RPA1: variants seen among roughly 807,000 people sequenced by gnomAD.
RPA1 encodes the protein replication protein A 70 kDa DNA-binding subunit.
Under a neutral mutation model 83.0 loss-of-function variants are expected in RPA1, and 49 were observed. The observed-to-expected ratio is 0.59, with a 90% CI of 0.47 to 0.75. RPA1 has a LOEUF of 0.75. RPA1 is among the 30% of genes least tolerant of loss of function. RPA1 has a pLI of 0.00. For synonymous variants in RPA1, 279 were observed against 281.8 expected (o/e 0.99, Z 0.10); for missense variants, 693 against 776.1 (o/e 0.89, Z 1.27).
At chr17:1,883,104 T>A (rs761825466) in intron 12 of RPA1, among the ~76,000 whole-genome samples, 10 of 152,144 alleles carry the variant, frequency 6.6e-5, no homozygotes, top group Non-Finnish European at 1.3e-4. Flanking sequence ...GAGGATTGTC[T>A]GAGTCCAGGA....
chr17:1,891,784 G>A (rs1914212930), intron 14 of RPA1, 49 bp from the exon 15 acceptor site: 1 of 1,241,654 alleles, frequency 8.1e-7, no homozygotes, highest in African/African-American at 1.5e-5. Flanking sequence ...TTCTCAGTGT[G>A]TCTTTTTATT....
At position 1,899,824 on chromosome 17, in the gene RPA1, G is replaced by T. The variant is rs757324186; in HGVS notation, c.*2649G>T. 2.6e-5 allele frequency: 4 copies of T among 152,152 alleles called. No individual in the cohort carries two copies. The highest frequency in any genetic ancestry group is 2.9e-5 in the Non-Finnish European group (2 of 68,024). The allele number at this position is 152,152 out of a possible 1,614,324, so 9.4% of individuals were successfully genotyped here. Reference sequence around the variant, plus strand: ...TATAGAGGATGAAACAGGTTGTTTGGTCTCCTTTTCTTCTTTTCACCTGTT... The same window carrying T: ...TATAGAGGATGAAACAGGTTGTTTGTTCTCCTTTTCTTCTTTTCACCTGTT... On this transcript the variant is annotated 3_prime_UTR_variant, in exon 17 of 17. Transcript: ENST00000254719.
Position 1,882,749 on chromosome 17 carries a change from G to T in RPA1, c.1242-1063G>T, listed in dbSNP as rs1913843617. On this transcript the variant is annotated intron_variant, in intron 12 of 16. Coordinates refer to ENST00000254719, the MANE Select transcript of RPA1 (RefSeq NM_002945.5). The stretch of plus-strand genomic sequence containing the variant: ...CTTTTGCTACCACGGTATATTGGCT[G>T]TCCGTTTCCACACTGGTACATTTCG... Among the ~76,000 whole-genome samples the T allele has an allele frequency of 2.0e-5, 3 of 152,172 alleles. 1 individual carries two copies. In the South Asian group the frequency reaches 6.2e-4, roughly 32 times the overall value.
At chr17:1,895,659 G>GTTTTATTTATTTATT (rs1555596984) in intron 16 of RPA1, among the ~76,000 whole-genome samples, 6 of 141,752 alleles carry the variant, frequency 4.2e-5, no homozygotes, top group Non-Finnish European at 7.6e-5. Context: ...ATACCATATA[G>GTTTTATTTATTTATT]TATTTATTTA....
chr17:1,883,926 C>T lies in RPA1; in HGVS notation c.1356C>T (p.Asn452=), dbSNP rs2151289079. The part of the protein sequence containing the change: ...WKTLYEVKSE[N]LGQGDKPDYF... ...CCTTGTATGAGGTCAAATCCGAGAACCTGGGCCAAGGCGACAAGGTACCCA... is the reference window on the plus strand; with the variant it reads ...CCTTGTATGAGGTCAAATCCGAGAATCTGGGCCAAGGCGACAAGGTACCCA... The change falls in exon 13 of 17, where the codon AAC becomes AAT. Residue 452 remains asparagine (N), a synonymous_variant. Coordinates refer to ENST00000254719, the MANE Select transcript of RPA1 (RefSeq NM_002945.5). 1.2e-6 allele frequency: 2 copies of T among 1,613,966 alleles called. No homozygotes were observed. The highest frequency in any genetic ancestry group is 1.1e-5 in the South Asian group (1 of 91,074).
At position 1,879,689 on chromosome 17, in the gene RPA1, G is replaced by T. The variant is rs747365167; in HGVS notation, c.1082G>T (p.Trp361Leu). The change falls in exon 11 of 17, where the codon TGG becomes TTG. Residue 361 changes from tryptophan to leucine, a missense_variant. Trp to Leu is a moderately conservative substitution (Grantham distance 61). Coordinates refer to ENST00000254719, the MANE Select transcript of RPA1 (RefSeq NM_002945.5). ...GGGAAGGTGGTGACTGCTACACTGTGGGGGGAAGATGTAAGTGCTGGGATG... is the reference window on the plus strand; with the variant it reads ...GGGAAGGTGGTGACTGCTACACTGTTGGGGGAAGATGTAAGTGCTGGGATG... ...TSGKVVTATL[W>L]GEDADKFDGS... 8.1e-6 allele frequency: 13 copies of T among 1,613,688 alleles called. No individual in the cohort carries two copies. The highest frequency in any genetic ancestry group is 2.2e-5 in the South Asian group (2 of 91,058).
chr17:1,862,692 T>G (rs1913025697), intron 5 of RPA1, among the ~76,000 whole-genome samples: 1 of 146,828 alleles, frequency 6.8e-6, no homozygotes, highest in African/African-American at 2.5e-5. Flanking sequence ...GTGCTAAGAT[T>G]ATTGGCGTGA....
rs775451626 is a variant in RPA1 at position 1,880,572 on chromosome 17, C to T, written c.1122C>T (p.Pro374=). 1.1e-5 allele frequency: 18 copies of T among 1,613,696 alleles called. 1 individual carries two copies. In the South Asian group the frequency reaches 1.6e-4, roughly 15 times the overall value. The change falls in exon 12 of 17, where the codon CCC becomes CCT. Residue 374 remains proline, a synonymous_variant. Transcript: ENST00000254719. ...ATAAATTTGATGGTTCTAGACAGCC[C>T]GTGTTGGCTATCAAAGGAGCCCGAG... ...DADKFDGSRQ[P]VLAIKGARVS...
intron 1 of RPA1, among the ~76,000 whole-genome samples, chr17:1,831,189 GGTTTTAA>G (rs1911557793): frequency 6.6e-6 from 1 of 152,082 alleles, no homozygotes; most frequent in African/African-American, 2.4e-5. Context: ...TGCTTCAGAG[GGTTTTAA>G]GTTCAGTATA....
rs1209377441 is a variant in RPA1 at position 1,881,496 on chromosome 17, T to C, written c.1241+805T>C. Among the ~76,000 whole-genome samples the C allele has an allele frequency of 2.0e-5, 3 of 152,228 alleles. No homozygotes were observed. The East Asian group carries it at 5.8e-4, about 29-fold the overall frequency. ...CATGAAGCATCTTCTGGAATGTTCA[T>C]GTCACTGAGCCATCCTCATGAGTAG... On this transcript the variant is annotated intron_variant, in intron 12 of 16. Transcript: ENST00000254719.
At chr17:1,852,560 A>G (rs1382021838) in intron 4 of RPA1, among the ~76,000 whole-genome samples, 1 of 152,218 alleles carries the variant, frequency 6.6e-6, no homozygotes, top group Non-Finnish European at 1.5e-5. Context: ...GAGGGCAGGC[A>G]GCGGCACGGG....
intron 5 of RPA1, among the ~76,000 whole-genome samples, chr17:1,868,587 A>G (rs762678653): frequency 6.6e-6 from 1 of 152,148 alleles, no homozygotes; most frequent in Non-Finnish European, 1.5e-5. Flanking sequence ...CCTGGCATAC[A>G]TGGTGAAACC....
chr17:1,866,748 G>A (rs532599619), intron 5 of RPA1, among the ~76,000 whole-genome samples: 2 of 152,190 alleles, frequency 1.3e-5, no homozygotes, highest in East Asian at 3.9e-4. Flanking sequence ...GGCGGGGACC[G>A]CTGTGCCCGG....
At chr17:1,865,801 T>C (rs992213490) in intron 5 of RPA1, among the ~76,000 whole-genome samples, 1 of 152,194 alleles carries the variant, frequency 6.6e-6, no homozygotes, top group South Asian at 2.1e-4. Flanking sequence ...CTTTTACTTA[T>C]TTATTATTAT....
At chr17:1,861,726 CTT>C (rs546703571) in intron 5 of RPA1, among the ~76,000 whole-genome samples, 2 of 145,852 alleles carry the variant, frequency 1.4e-5, no homozygotes, top group South Asian at 2.1e-4. Flanking sequence ...GGTGCTCTCT[CTT>C]TTTTTTTTTT....
intron 4 of RPA1, among the ~76,000 whole-genome samples, chr17:1,849,847 T>C (rs1382456056): frequency 6.6e-6 from 1 of 152,186 alleles, no homozygotes; most frequent in Admixed American, 6.5e-5. Context: ...TTACTACATC[T>C]TGATATGATC....
intron 4 of RPA1, among the ~76,000 whole-genome samples, chr17:1,852,642 A>G (rs543142784): frequency 2.3e-4 from 35 of 152,352 alleles, no homozygotes; most frequent in Non-Finnish European, 4.1e-4. Context: ...GTCATTGGGA[A>G]GTTATCACAA....
chr17:1,887,751 T>C (rs1914048202), intron 13 of RPA1, among the ~76,000 whole-genome samples: 2 of 151,884 alleles, frequency 1.3e-5, no homozygotes, highest in African/African-American at 4.8e-5. Context: ...TAGCCAGGCG[T>C]GGTAGTGCAC....
In RPA1 at chr17:1,875,811, G is replaced by A. The variant is rs916109911; in HGVS notation, c.587+18G>A. On this transcript the variant is annotated intron_variant, in intron 7 of 16. Coordinates refer to ENST00000254719, the MANE Select transcript of RPA1 (RefSeq NM_002945.5). ...CAGTCCAAGTGAGTTGTTGCATAGA[G>A]TAAGTTCAGAGTGTACTTATGAAAT... The A allele has an allele frequency of 2.5e-6, 4 of 1,609,358 alleles. No individual in the cohort carries two copies. The highest frequency in any genetic ancestry group is 3.4e-6 in the Non-Finnish European group (4 of 1,178,232).
Sources: gnomAD v4.1 joint callset for allele counts (sites outside exome capture counted in the v4.1 genomes callset) on GRCh38, gnomAD v4.1.1 for gene constraint, MANE v1.5 for transcripts, NCBI Gene and HGNC (gene_info 2026-07-23, HGNC 2026-07-21) for gene names.